Variants in RBM41 observed in about 807,000 individuals in gnomAD.
RBM41 encodes the protein RNA-binding protein 41.
In RBM41, 14 loss-of-function variants were observed where a neutral mutation model predicts 30.8. That is an observed-to-expected ratio of 0.45 (90% CI 0.30 to 0.71). RBM41 has a LOEUF of 0.71. Ranked by LOEUF, RBM41 falls within the 30% of genes least tolerant of loss-of-function variation. The pLI, the probability that RBM41 is intolerant of heterozygous loss-of-function variation, is 0.08. For missense variants in RBM41, 276 were observed against 326.3 expected, an observed-to-expected ratio of 0.85 and a Z score of 1.19; for synonymous variants, 120 against 110.1, an observed-to-expected ratio of 1.09 and a Z score of -0.56.
At chrX:107,069,699 C>T (rs1935977841) in intron 6 of RBM41, 1 of 163,576 alleles carries the variant, frequency 6.1e-6, no homozygotes, top group Non-Finnish European at 1.1e-5. Flanking sequence ...AGGTGATCCA[C>T]CCGCCTTGGC....
In RBM41 at chrX:107,067,505, G is replaced by A; in HGVS notation, c.*22C>T. On this transcript the variant is annotated 3_prime_UTR_variant, in exon 8 of 8. Coordinates refer to ENST00000685964, the MANE Select transcript of RBM41 (RefSeq NM_001324242.2). ...ATTCCAATTCAAGAAAGACCATCCA[G>A]GACCCACAATTTATATATATTCTAG... The A allele has an allele frequency of 8.5e-7, 1 of 1,181,021 alleles. No individual in the cohort carries two copies. The highest frequency in any genetic ancestry group is 1.1e-6 in the Non-Finnish European group (1 of 878,890).
intron 5 of RBM41, among the ~76,000 whole-genome samples, chrX:107,093,118 T>A (rs891033358): frequency 9.9e-5 from 11 of 111,526 alleles, no homozygotes; most frequent in African/African-American, 3.6e-4. Context: ...CATCAATAAA[T>A]AAGGATTCCT....
At chrX:107,100,946 T>C (rs919737919) in intron 5 of RBM41, among the ~76,000 whole-genome samples, 4 of 112,034 alleles carry the variant, frequency 3.6e-5, no homozygotes, top group African/African-American at 1.3e-4. Context: ...TGGCTACACA[T>C]AGCAATATGT....
intron 5 of RBM41, among the ~76,000 whole-genome samples, chrX:107,094,368 A>G (rs1310994878): frequency 8.9e-6 from 1 of 112,528 alleles, no homozygotes; most frequent in Non-Finnish European, 1.9e-5. Flanking sequence ...CATAAGTGGG[A>G]TTTATCCCAG....
chrX:107,073,201 G>A (rs766823535), intron 6 of RBM41, among the ~76,000 whole-genome samples: 28 of 111,295 alleles, frequency 2.5e-4, no homozygotes, highest in African/African-American at 8.2e-4. Context: ...GTGAAAAGAC[G>A]AACTACAGAA....
chrX:107,056,147 G>A, the RBM41 span, among the ~76,000 whole-genome samples: 13 of 111,953 alleles, frequency 1.2e-4, no homozygotes, highest in Admixed American at 3.8e-4. Context: ...CATTAAATGA[G>A]ATGATCATGT....
At chrX:107,092,099 C>T (rs542023515) in intron 5 of RBM41, among the ~76,000 whole-genome samples, 37 of 111,589 alleles carry the variant, frequency 3.3e-4, no homozygotes, top group African/African-American at 1.1e-3. Flanking sequence ...TTAAATTTCA[C>T]GCTGTAGGAG....
chrX:107,057,259 G>A (rs1255272098), downstream of RBM41, among the ~76,000 whole-genome samples: 1 of 110,739 alleles, frequency 9.0e-6, no homozygotes, highest in Non-Finnish European at 1.9e-5. Context: ...GTAAAGCTGG[G>A]TTATTGATCT....
At chrX:107,090,903 T>G (rs1317103936) in intron 5 of RBM41, among the ~76,000 whole-genome samples, 2 of 110,391 alleles carry the variant, frequency 1.8e-5, no homozygotes, top group African/African-American at 6.6e-5. Flanking sequence ...CAACCCATTA[T>G]CTAAGTTTTA....
intron 5 of RBM41, among the ~76,000 whole-genome samples, chrX:107,094,483 T>C (rs143174586): frequency 0.025 from 2,818 of 111,782 alleles, 99 homozygotes; most frequent in African/African-American, 0.086. Flanking sequence ...CCAATACCCA[T>C]TTATAATTTT....
intron 5 of RBM41, among the ~76,000 whole-genome samples, chrX:107,099,963 T>C (rs1412517323): frequency 8.9e-6 from 1 of 111,798 alleles, no homozygotes; most frequent in African/African-American, 3.3e-5. Context: ...TTTCTGAAAC[T>C]TACTCCAAAT....
chrX:107,081,754 T>A (rs945234103), intron 6 of RBM41, among the ~76,000 whole-genome samples: 4 of 112,261 alleles, frequency 3.6e-5, no homozygotes. Context: ...AAGTATTTCA[T>A]TCTTTTTTGG....
At chrX:107,116,367 C>G (rs750346408) in intron 2 of RBM41, 4 of 658,588 alleles carry the variant, frequency 6.1e-6, no homozygotes, top group Non-Finnish European at 8.1e-6. Flanking sequence ...AACAGTGGAA[C>G]AGAGGCAAGT....
Position 107,116,670 on chromosome X carries a change from A to T in RBM41, c.105T>A (p.Asp35Glu). The T allele has an allele frequency of 8.3e-7, 1 of 1,210,716 alleles. No individual in the cohort carries two copies. The highest frequency in any genetic ancestry group is 1.1e-6 in the Non-Finnish European group (1 of 895,437). ...CCTACTCCTCAATGGAGACAGAAGT[A>T]TCAAGTTGATGCTGAAGGAGGCTTT... is the stretch of plus-strand genomic sequence containing the variant. The part of the protein sequence containing the change: ...QLKSLLQHQL[D>E]TSVSIEECMS... The change falls in exon 2 of 8, where the codon GAT (aspartate) becomes GAA (glutamate). Residue 35 changes from aspartate to glutamate, a missense_variant. By Grantham distance (45) the Asp-to-Glu change is conservative. Transcript: ENST00000685964.
intron 5 of RBM41, among the ~76,000 whole-genome samples, chrX:107,097,821 C>G (rs1008016864): frequency 9.0e-6 from 1 of 111,673 alleles, no homozygotes; most frequent in South Asian, 3.8e-4. Context: ...CAAAAGACCA[C>G]GTATTGTAAG....
At position 107,067,806 on chromosome X, in the gene RBM41, T is replaced by C. The variant is rs890610534; in HGVS notation, c.1148-113A>G. 2.3e-5 allele frequency: 19 copies of C among 840,214 alleles called. No individual in the cohort carries two copies. The African/African-American group carries it at 3.1e-4, about 14-fold the overall frequency. The allele number at this position is 840,214 out of a possible 1,213,427, so 69.2% of individuals were successfully genotyped here. A position where few individuals can be genotyped will look rare whatever the true frequency, so the allele number is the denominator to read the frequency against. On this transcript the variant is annotated intron_variant, in intron 7 of 7. Coordinates refer to ENST00000685964, the MANE Select transcript of RBM41 (RefSeq NM_001324242.2). ...GTTAAATGTAAGCTATAAGGCCATATAGTCATTTGATTTGATCATTTTTTC... is the reference window on the plus strand; with the variant it reads ...GTTAAATGTAAGCTATAAGGCCATACAGTCATTTGATTTGATCATTTTTTC...
At chrX:107,080,566 C>T (rs1392812642) in intron 6 of RBM41, among the ~76,000 whole-genome samples, 3 of 107,049 alleles carry the variant, frequency 2.8e-5, no homozygotes, top group South Asian at 8.0e-4. Context: ...TGACAGAGAG[C>T]GAGACTCTGC....
intron 5 of RBM41, among the ~76,000 whole-genome samples, chrX:107,100,140 A>G (rs1319997625): frequency 8.9e-6 from 1 of 111,918 alleles, no homozygotes; most frequent in Non-Finnish European, 1.9e-5. Flanking sequence ...GTTGAGGAAA[A>G]TAACACTTGA....
At chrX:107,088,891 C>A in intron 5 of RBM41, 52 bp from the exon 6 acceptor site, 1 of 1,136,963 alleles carries the variant, frequency 8.8e-7, no homozygotes, top group Non-Finnish European at 1.2e-6. Context: ...CCAATACAAC[C>A]TTTGGCAAAT....
Sources: allele counts gnomAD v4.1 joint callset (sites outside exome capture counted in the v4.1 genomes callset), GRCh38; gene constraint gnomAD v4.1.1; transcripts MANE v1.5; gene names NCBI Gene and HGNC (gene_info 2026-07-23, HGNC 2026-07-21).